The following VWDE variants were observed in gnomAD, a reference collection of about 807,000 sequenced individuals.
VWDE encodes the protein von Willebrand factor D and EGF domains, also known as von Willebrand factor D and EGF domain-containing protein.
In VWDE, 207 loss-of-function variants were observed where a neutral mutation model predicts 178.4. That is an observed-to-expected ratio of 1.16 (90% CI 1.04 to 1.30). The LOEUF is 1.30. VWDE is among the 50% of genes most tolerant of loss of function. The probability of loss-of-function intolerance (pLI) is 0.00; values close to 1 mark genes in which losing one functional copy is unlikely to be tolerated. For missense variants in VWDE, 2,287 were observed against 1,901.3 expected (o/e 1.20, Z -3.77); for synonymous variants, 738 against 651.4 (o/e 1.13, Z -2.02).
chr7:12,373,052 T>C lies in VWDE; in HGVS notation c.1512A>G (p.Pro504=), dbSNP rs1356431264. ...MCNGQLRESQ[P]YLFIKSQDVT... is the part of the protein sequence containing the mutation. ...CATCTTGGCTTTTTATGAACAAATA[T>C]GGTTGTGATTCACGTAGCTGACCAT... Residue 504 remains proline (P), a synonymous_variant, in exon 10 of 29, where the codon CCA becomes CCG. Coordinates refer to ENST00000275358, the MANE Select transcript of VWDE (RefSeq NM_001135924.3). 2.6e-6 allele frequency: 4 copies of C among 1,551,260 alleles called. No homozygotes were observed. The highest frequency in any genetic ancestry group is 3.5e-6 in the Non-Finnish European group (4 of 1,146,720).
intron 24 of VWDE, 49 bp downstream of exon 24, chr7:12,340,273 T>C (rs766224790): frequency 2.9e-6 from 4 of 1,369,716 alleles, no homozygotes; most frequent in African/African-American, 1.4e-5. Context: ...GCTCTGTTGA[T>C]ATCTAACTTT....
chr7:12,393,143 G>C (rs1162871513), intron 2 of VWDE, among the ~76,000 whole-genome samples: 1 of 152,160 alleles, frequency 6.6e-6, no homozygotes, highest in Non-Finnish European at 1.5e-5. Context: ...GAAATGAAGT[G>C]ACAGGTAACA....
In VWDE at chr7:12,337,221, A is replaced by G. The variant is rs958631151; in HGVS notation, c.4418T>C (p.Val1473Ala). 1.3e-6 allele frequency: 2 copies of G among 1,551,892 alleles called. No individual in the cohort carries two copies. The highest frequency in any genetic ancestry group is 1.7e-6 in the Non-Finnish European group (2 of 1,147,044). The change falls in exon 25 of 29, where the codon GTG becomes GCG. Residue 1473 changes from valine (V) to alanine (A), a missense_variant. Coordinates refer to ENST00000275358, the MANE Select transcript of VWDE (RefSeq NM_001135924.3). ...KNGGHCMRNN[V>A]CVCREGYTGR... ...AGTGTATCCTTCACGACAGACGCAC[A>G]CATTATTTCTCATGCAGTGGCCACC...
chr7:12,391,613 A>G (rs575143682), intron 2 of VWDE, among the ~76,000 whole-genome samples: 112 of 152,268 alleles, frequency 7.4e-4, no homozygotes, highest in African/African-American at 2.5e-3. Context: ...AATTTTTTTT[A>G]GTTCTTTACA....
chr7:12,362,416 C>T (rs1391387396), intron 13 of VWDE, among the ~76,000 whole-genome samples: 3 of 152,034 alleles, frequency 2.0e-5, no homozygotes, highest in African/African-American at 7.2e-5. Context: ...ATAAACTCTA[C>T]TTAGTTCACT....
intron 1 of VWDE, among the ~76,000 whole-genome samples, chr7:12,394,362 T>C (rs1017100376): frequency 3.9e-5 from 6 of 152,146 alleles, no homozygotes; most frequent in Non-Finnish European, 5.9e-5. Context: ...GTATGCCTAC[T>C]AAGCACAGGA....
chr7:12,369,916 G>C lies in VWDE; in HGVS notation c.2390C>G (p.Thr797Ser). Residue 797 changes from threonine to serine, a missense_variant, in exon 12 of 29, where the codon ACT (threonine) becomes AGT (serine). By Grantham distance (58) the Thr-to-Ser change is moderately conservative. Transcript: ENST00000275358. Reference protein sequence around the residue: ...VQQEFFPSWPTPSGLTEYSTL... With the variant: ...VQQEFFPSWPSPSGLTEYSTL... ...GCTATACTCGGTGAGGCCAGAGGGAGTGGGCCAAGAGGGGAAAAACTCTTG... is the reference window on the plus strand; with the variant it reads ...GCTATACTCGGTGAGGCCAGAGGGACTGGGCCAAGAGGGGAAAAACTCTTG... 1 of 1,551,466 alleles carries C rather than the reference G, an allele frequency of 6.4e-7. No homozygotes were observed. Among genetic ancestry groups the C allele is most frequent in the Non-Finnish European group, 8.7e-7 (1 of 1,146,896 alleles).
chr7:12,366,128 C>G lies in VWDE; in HGVS notation c.2898+1229G>C, dbSNP rs182274334. ...GCCTTCTGCCATGATTTTATGTTTC[C>G]TGGGGTCTTCCCAGCCATGTGGAAC... is the stretch of plus-strand genomic sequence containing the variant. On this transcript the variant is annotated intron_variant, in intron 13 of 28. Transcript: ENST00000275358. Among the ~76,000 whole-genome samples the G allele has an allele frequency of 3.0e-3, 459 of 152,220 alleles. 2 individuals carry two copies. The highest frequency in any genetic ancestry group is 0.01 in the African/African-American group (425 of 41,542).
intron 4 of VWDE, among the ~76,000 whole-genome samples, chr7:12,381,552 A>G (rs2128558919): frequency 6.6e-6 from 1 of 152,208 alleles, no homozygotes; most frequent in South Asian, 2.1e-4. Context: ...AAAGACCTTG[A>G]AACCTTTTCT....
At position 12,356,678 on chromosome 7, in the gene VWDE, C is replaced by G. The variant is rs113024139; in HGVS notation, c.3526-348G>C. Among the ~76,000 whole-genome samples, 1,379 of 152,224 alleles carry G rather than the reference C, an allele frequency of 9.1e-3. 31 individuals carry two copies. Among genetic ancestry groups the G allele is most frequent in the African/African-American group, 0.032 (1,330 of 41,518 alleles). On this transcript the variant is annotated intron_variant, in intron 17 of 28. Coordinates refer to ENST00000275358, the MANE Select transcript of VWDE (RefSeq NM_001135924.3). ...CTGGGTTATTCACAAATCTAGAGAG[C>G]AAATGATCTCCCGAATTACTGGGTT...
chr7:12,331,679 C>A (rs1420456772), intron 28 of VWDE, among the ~76,000 whole-genome samples: 1 of 152,068 alleles, frequency 6.6e-6, no homozygotes, highest in East Asian at 1.9e-4. Context: ...TTAATCCTTA[C>A]AATAAGCCTA....
chr7:12,351,015 A>T (rs561200443), intron 19 of VWDE, among the ~76,000 whole-genome samples: 1 of 152,294 alleles, frequency 6.6e-6, no homozygotes, highest in Non-Finnish European at 1.5e-5. Context: ...ACACCGGAAC[A>T]ATAAGAAAGT....
rs1372567240 is a variant in VWDE, at chr7:12,371,150, CAATT to C, written c.1588-290_1588-287del. Reference sequence around the variant, plus strand: ...TTAAACAAAAATAAGATAATTTATACAATTAATACATTACAAATATTGAGGAGGA... The same window carrying C: ...TTAAACAAAAATAAGATAATTTATACAATACATTACAAATATTGAGGAGGA... On this transcript the variant is annotated intron_variant, in intron 10 of 28. Coordinates refer to ENST00000275358, the MANE Select transcript of VWDE (RefSeq NM_001135924.3). Among the ~76,000 whole-genome samples, 8 of 152,092 alleles carry C rather than the reference CAATT, an allele frequency of 5.3e-5. No individual in the cohort carries two copies. In the East Asian group the frequency reaches 1.4e-3, roughly 26 times the overall value.
chr7:12,383,394 T>C, intron 4 of VWDE, 142 bp downstream of exon 4: 1 of 679,158 alleles, frequency 1.5e-6, no homozygotes, highest in South Asian at 1.9e-5. Flanking sequence ...ACGATAAAGT[T>C]ATTTTTATTT....
intron 2 of VWDE, among the ~76,000 whole-genome samples, chr7:12,389,651 C>T (rs868404845): frequency 6.0e-4 from 92 of 152,166 alleles, no homozygotes; most frequent in Middle Eastern, 3.4e-3. Context: ...TCTCAGATAC[C>T]TTACTAAAAT....
At chr7:12,377,228 G>C (rs887959792) in intron 7 of VWDE, among the ~76,000 whole-genome samples, 4 of 151,946 alleles carry the variant, frequency 2.6e-5, no homozygotes, top group Non-Finnish European at 5.9e-5. Context: ...ACACATATGT[G>C]GCCATGTATC....
In VWDE at chr7:12,389,115, G is replaced by T; in HGVS notation, c.475+12C>A. Reference sequence around the variant, plus strand: ...TGAATAACAGTCATGTGAATTACTGGTGTTTTCTTACCTTCCGCACAGTAG... The same window carrying T: ...TGAATAACAGTCATGTGAATTACTGTTGTTTTCTTACCTTCCGCACAGTAG... On this transcript the variant is annotated intron_variant, in intron 3 of 28. Transcript: ENST00000275358. 1 of 1,475,832 alleles carries T rather than the reference G, an allele frequency of 6.8e-7. No individual in the cohort carries two copies. The highest frequency in any genetic ancestry group is 9.3e-7 in the Non-Finnish European group (1 of 1,078,442). The allele number at this position is 1,475,832 out of a possible 1,614,324, so 91.4% of individuals were successfully genotyped here.
intron 10 of VWDE, 131 bp downstream of exon 10, chr7:12,372,846 T>C (rs749980756): frequency 3.1e-5 from 26 of 840,366 alleles, no homozygotes; most frequent in Non-Finnish European, 4.6e-5. Flanking sequence ...CCCTCTAAGA[T>C]GATGGTTAAT....
At chr7:12,377,296 A>T (rs1783582242) in intron 7 of VWDE, among the ~76,000 whole-genome samples, 1 of 152,194 alleles carries the variant, frequency 6.6e-6, no homozygotes, top group South Asian at 2.1e-4. Flanking sequence ...AAGATCCCAA[A>T]CATAAACGTA....
Sources: gnomAD v4.1 joint callset for allele counts (sites outside exome capture counted in the v4.1 genomes callset) on GRCh38, gnomAD v4.1.1 for gene constraint, MANE v1.5 for transcripts, NCBI Gene and HGNC (gene_info 2026-07-23, HGNC 2026-07-21) for gene names.